Variants in ACBD6 observed in about 807,000 individuals in gnomAD.
ACBD6 encodes the protein acyl-CoA-binding domain-containing protein 6.
Under a neutral mutation model 37.2 loss-of-function variants are expected in ACBD6, and 28 were observed. The ratio of observed to expected loss-of-function variants is 0.75; its 90% CI spans 0.56 to 1.03. ACBD6 has a LOEUF of 1.03. Among genes scored for constraint, ACBD6 ranks in the 50% least tolerant of loss-of-function variants. The pLI, the probability that ACBD6 is intolerant of heterozygous loss-of-function variation, is 0.00. For synonymous variants in ACBD6, 113 were observed against 126.8 expected (o/e 0.89, Z 0.73); for missense variants, 340 against 337.4 (o/e 1.01, Z -0.06).
rs552574166 is a variant in ACBD6, at chr1:180,293,050, C to G, written c.695-4533G>C. ...CTATGGTTCTCAATTGCCAAACAAA[C>G]CTTGCATTCCTAGGATAAACACACT... is the stretch of plus-strand genomic sequence containing the variant. On this transcript the variant is annotated intron_variant, in intron 7 of 7. Transcript: ENST00000367595. Among the ~76,000 whole-genome samples the G allele has an allele frequency of 3.8e-3, 573 of 152,252 alleles. 8 individuals carry two copies. The highest frequency in any genetic ancestry group is 5.9e-3 in the Non-Finnish European group (403 of 68,006).
At chr1:180,335,314 C>T (rs575277780) in intron 6 of ACBD6, among the ~76,000 whole-genome samples, 1 of 152,186 alleles carries the variant, frequency 6.6e-6, no homozygotes, top group East Asian at 1.9e-4. Flanking sequence ...GCTGATCTCT[C>T]GGCAGAAACT....
intron 1 of ACBD6, among the ~76,000 whole-genome samples, chr1:180,499,854 T>C (rs1651884480): frequency 1.3e-5 from 2 of 152,220 alleles, no homozygotes; most frequent in African/African-American, 4.8e-5. Context: ...ATACCATTTG[T>C]TCCTACAGCT....
intron 3 of ACBD6, among the ~76,000 whole-genome samples, chr1:180,447,354 C>A (rs1271767189): frequency 6.6e-6 from 1 of 152,060 alleles, no homozygotes; most frequent in Non-Finnish European, 1.5e-5. Context: ...CAACAGAACT[C>A]CGAAGATTCT....
chr1:180,430,705 TAAAA>T (rs11422663), intron 3 of ACBD6, among the ~76,000 whole-genome samples: 4 of 141,018 alleles, frequency 2.8e-5, no homozygotes, highest in African/African-American at 5.1e-5. Flanking sequence ...GTTTTTGGGT[TAAAA>T]AAAAAAAAAA....
intron 3 of ACBD6, among the ~76,000 whole-genome samples, chr1:180,440,270 G>A (rs1649227479): frequency 6.6e-6 from 1 of 151,906 alleles, no homozygotes; most frequent in African/African-American, 2.4e-5. Context: ...CATGACACCC[G>A]ACTAATTTTT....
rs1445748846 is a variant in ACBD6 at position 180,375,798 on chromosome 1, C to A, written c.663+21718G>T. On this transcript the variant is annotated intron_variant, in intron 6 of 7. Coordinates refer to ENST00000367595, the MANE Select transcript of ACBD6 (RefSeq NM_032360.4). ...CTCTTGAAAAGGCTTTTAATTATGA[C>A]TTAAAATCCAGAGGCAATAAAATGA... is the stretch of plus-strand genomic sequence containing the variant. 2.6e-5 allele frequency among the ~76,000 whole-genome samples: 4 copies of A among 151,980 alleles called. No homozygotes were observed. The East Asian group carries it at 7.7e-4, about 29-fold the overall frequency.
intron 3 of ACBD6, among the ~76,000 whole-genome samples, chr1:180,472,734 C>T (rs1006028904): frequency 2.0e-5 from 3 of 152,068 alleles, no homozygotes; most frequent in Non-Finnish European, 4.4e-5. Context: ...TTCTAAAGTA[C>T]TTTAATTCTT....
chr1:180,457,213 G>A (rs1377749941), intron 3 of ACBD6, among the ~76,000 whole-genome samples: 1 of 152,046 alleles, frequency 6.6e-6, no homozygotes, highest in Non-Finnish European at 1.5e-5. Flanking sequence ...ATTTACTCAG[G>A]CAGTAAAACC....
intron 5 of ACBD6, among the ~76,000 whole-genome samples, chr1:180,413,083 T>C (rs1045316609): frequency 6.6e-6 from 1 of 152,164 alleles, no homozygotes; most frequent in African/African-American, 2.4e-5. Flanking sequence ...ACCTGTAGAT[T>C]TCACTTATTA....
At chr1:180,350,330 G>C (rs1652360974) in intron 6 of ACBD6, among the ~76,000 whole-genome samples, 1 of 152,040 alleles carries the variant, frequency 6.6e-6, no homozygotes, top group Non-Finnish European at 1.5e-5. Context: ...CACCATGCCT[G>C]GCCGACTCCT....
At chr1:180,457,046 A>C (rs1459164324) in intron 3 of ACBD6, among the ~76,000 whole-genome samples, 3 of 152,218 alleles carry the variant, frequency 2.0e-5, no homozygotes, top group Admixed American at 6.5e-5. Context: ...CAGTAGAAAC[A>C]GCAAACTTTT....
chr1:180,427,172 C>T (rs1345330156), intron 4 of ACBD6, among the ~76,000 whole-genome samples: 1 of 152,158 alleles, frequency 6.6e-6, no homozygotes, highest in Non-Finnish European at 1.5e-5. Context: ...GAAAAGCTGC[C>T]ACAACAATGG....
intron 6 of ACBD6, among the ~76,000 whole-genome samples, chr1:180,373,675 T>C (rs1442324638): frequency 6.6e-6 from 1 of 152,182 alleles, no homozygotes; most frequent in African/African-American, 2.4e-5. Context: ...ATATACTATA[T>C]GGTCCTAATT....
intron 3 of ACBD6, among the ~76,000 whole-genome samples, chr1:180,437,946 G>T (rs1218299096): frequency 6.6e-6 from 1 of 152,170 alleles, no homozygotes; most frequent in Non-Finnish European, 1.5e-5. Flanking sequence ...GAATGTTAGA[G>T]TAGGGGTCCC....
intron 5 of ACBD6, among the ~76,000 whole-genome samples, chr1:180,403,635 A>G (rs1323201182): frequency 6.6e-6 from 1 of 152,256 alleles, no homozygotes; most frequent in Non-Finnish European, 1.5e-5. Context: ...ACCTATGTTC[A>G]GAGCATAATT....
At chr1:180,289,142 T>C (rs1463376667) in intron 7 of ACBD6, among the ~76,000 whole-genome samples, 4 of 151,536 alleles carry the variant, frequency 2.6e-5, no homozygotes, top group African/African-American at 7.3e-5. Context: ...AAATATGGTA[T>C]GGTATTGCCC....
At chr1:180,479,010 G>A (rs1650914700) in intron 3 of ACBD6, among the ~76,000 whole-genome samples, 1 of 152,160 alleles carries the variant, frequency 6.6e-6, no homozygotes, top group South Asian at 2.1e-4. Context: ...GCACACACCT[G>A]TAGTCCCAGC....
intron 6 of ACBD6, among the ~76,000 whole-genome samples, chr1:180,382,114 C>CAAAA (rs59973107): frequency 6.2e-5 from 7 of 112,162 alleles, no homozygotes; most frequent in African/African-American, 2.2e-4. Context: ...GACTGCATCT[C>CAAAA]AAAAAAAAAA....
At chr1:180,317,838 C>T (rs868396153) in intron 6 of ACBD6, among the ~76,000 whole-genome samples, 7 of 151,468 alleles carry the variant, frequency 4.6e-5, no homozygotes, top group South Asian at 4.1e-4. Flanking sequence ...ATCTCTCTCC[C>T]AATACCTTCT....
Sources: gnomAD v4.1 joint callset for allele counts (sites outside exome capture counted in the v4.1 genomes callset) on GRCh38, gnomAD v4.1.1 for gene constraint, MANE v1.5 for transcripts, NCBI Gene and HGNC (gene_info 2026-07-23, HGNC 2026-07-21) for gene names.